The following CEP85L variants were observed in gnomAD, a reference collection of about 807,000 sequenced individuals.
CEP85L encodes centrosomal protein 85L, also known as centrosomal protein of 85 kDa-like.
CEP85L carries 60 observed loss-of-function variants against 100.3 expected under a neutral mutation model. The observed-to-expected ratio is 0.60, with a 90% CI of 0.49 to 0.74. The LOEUF (loss-of-function observed/expected upper bound fraction) is 0.74. CEP85L is among the 30% of genes least tolerant of loss of function. CEP85L has a pLI of 0.00. For missense variants in CEP85L, 973 were observed against 936.2 expected (o/e 1.04, Z -0.51); for synonymous variants, 319 against 322.7 (o/e 0.99, Z 0.12).
chr6:118,679,015 T>A (rs1290528404), intron 1 of CEP85L, among the ~76,000 whole-genome samples: 1 of 152,224 alleles, frequency 6.6e-6, no homozygotes, highest in African/African-American at 2.4e-5. Context: ...TGAGGTTTCC[T>A]GAATTTTCCA....
At chr6:118,562,654 C>T (rs72952771) in intron 3 of CEP85L, among the ~76,000 whole-genome samples, 53,325 of 151,994 alleles carry the variant, frequency 0.35, 10,383 homozygotes, top group Non-Finnish European at 0.45. Context: ...AGCTACCATG[C>T]TTGGTCCAAA....
At position 118,573,162 on chromosome 6, in the gene CEP85L, C is replaced by T. The variant is rs112018709; in HGVS notation, c.233-6846G>A. Among the ~76,000 whole-genome samples the T allele has an allele frequency of 1.4e-4, 21 of 152,292 alleles. 1 individual carries two copies. Among genetic ancestry groups the T allele is most frequent in the African/African-American group, 5.1e-4 (21 of 41,562 alleles). The stretch of plus-strand genomic sequence containing the variant: ...TAAAGCTCATGAAGAAACTGCAAAA[C>T]ATCAGACAATGAGAAGTGGTGAGCC... On this transcript the variant is annotated intron_variant, in intron 2 of 12. Coordinates refer to ENST00000368491, the MANE Select transcript of CEP85L (RefSeq NM_001042475.3).
intron 2 of CEP85L, among the ~76,000 whole-genome samples, chr6:118,604,850 CATTTT>C (rs1189923000): frequency 6.6e-6 from 1 of 152,170 alleles, no homozygotes; most frequent in Non-Finnish European, 1.5e-5. Context: ...ATTTTCAAGA[CATTTT>C]ATTTTACCTA....
chr6:118,603,587 G>A (rs1771963504), intron 2 of CEP85L, among the ~76,000 whole-genome samples: 1 of 152,178 alleles, frequency 6.6e-6, no homozygotes, highest in African/African-American at 2.4e-5. Flanking sequence ...ACTGTTAAAA[G>A]CTGTAAAAAG....
At chr6:118,643,356 CT>C (rs556048739) in intron 1 of CEP85L, among the ~76,000 whole-genome samples, 139 of 152,260 alleles carry the variant, frequency 9.1e-4, no homozygotes, top group African/African-American at 3.3e-3. Flanking sequence ...CAATCTCTGC[CT>C]CTACAAAAGC....
intron 7 of CEP85L, among the ~76,000 whole-genome samples, chr6:118,483,121 C>A (rs1290331770): frequency 1.3e-5 from 2 of 151,848 alleles, no homozygotes; most frequent in Non-Finnish European, 2.9e-5. Flanking sequence ...GAATCCCTGG[C>A]TTAGAACAAC....
At chr6:118,660,025 G>T (rs1024609054) in intron 1 of CEP85L, among the ~76,000 whole-genome samples, 1 of 152,334 alleles carries the variant, frequency 6.6e-6, no homozygotes. Context: ...GGCTTAAAAT[G>T]TCTTAGAGGA....
chr6:118,523,826 C>A lies in CEP85L; in HGVS notation c.1115G>T (p.Arg372Met), dbSNP rs777321707. 1 of 1,572,198 alleles carries A rather than the reference C, an allele frequency of 6.4e-7. No individual in the cohort carries two copies. The highest frequency in any genetic ancestry group is 8.7e-7 in the Non-Finnish European group (1 of 1,143,214). ...SMLKIKEGLLRQKEIVIDRQK... is the reference protein window; with the variant it reads ...SMLKIKEGLLMQKEIVIDRQK... Reference sequence around the variant, plus strand: ...CCGATCGATTACAATTTCTTTCTGCCTTAGAAGTCCTTCTTTTATTTTCAA... The same window carrying A: ...CCGATCGATTACAATTTCTTTCTGCATTAGAAGTCCTTCTTTTATTTTCAA... The change falls in exon 4 of 13, where the codon AGG (arginine) becomes ATG (methionine). Residue 372 changes from arginine to methionine, a missense_variant. Coordinates refer to ENST00000368491, the MANE Select transcript of CEP85L (RefSeq NM_001042475.3).
At position 118,462,687 on chromosome 6, in the gene CEP85L, G is replaced by T. The variant is rs551542761; in HGVS notation, c.*2718C>A. On this transcript the variant is annotated 3_prime_UTR_variant, in exon 13 of 13. Coordinates refer to ENST00000368491, the MANE Select transcript of CEP85L (RefSeq NM_001042475.3). Reference sequence around the variant, plus strand: ...AATATATTGGTGTCATAACTTCCACGAACATCCTAGTTCAAACTGGGTGAG... The same window carrying T: ...AATATATTGGTGTCATAACTTCCACTAACATCCTAGTTCAAACTGGGTGAG... 1 of 151,768 alleles carries T rather than the reference G, an allele frequency of 6.6e-6. No individual in the cohort carries two copies. Among genetic ancestry groups the T allele is most frequent in the African/African-American group, 2.4e-5 (1 of 41,368 alleles). The allele number at this position is 151,768 out of a possible 1,614,324, so 9.4% of individuals were successfully genotyped here.
intron 6 of CEP85L, 200 bp downstream of exon 6, chr6:118,491,486 A>T: frequency 7.5e-7 from 1 of 1,333,860 alleles, no homozygotes; most frequent in Non-Finnish European, 9.6e-7. Flanking sequence ...AAAGATATAC[A>T]AGAGCATTTC....
At position 118,566,208 on chromosome 6, in the gene CEP85L, A is replaced by C; in HGVS notation, c.341T>G (p.Leu114Arg). Reference sequence around the variant, plus strand: ...GCCATCTGGTGTCAATGATTCCCTAAGTTTGGAAATTGAAGCGCTGGAATT... The same window carrying C: ...GCCATCTGGTGTCAATGATTCCCTACGTTTGGAAATTGAAGCGCTGGAATT... ...PSNSSASISK[L>R]RESLTPDGSK... The change falls in exon 3 of 13, where the codon CTT becomes CGT. Residue 114 changes from leucine to arginine, a missense_variant. By Grantham distance (102) the Leu-to-Arg change is moderately radical (BLOSUM62 -2). Transcript: ENST00000368491. 1 of 1,614,136 alleles carries C rather than the reference A, an allele frequency of 6.2e-7. No individual in the cohort carries two copies. The highest frequency in any genetic ancestry group is 1.6e-4 in the Middle Eastern group (1 of 6,062).
intron 1 of CEP85L, among the ~76,000 whole-genome samples, chr6:118,668,866 T>C (rs906624844): frequency 1.3e-5 from 2 of 152,212 alleles, no homozygotes; most frequent in African/African-American, 4.8e-5. Flanking sequence ...TGGCTTTGTT[T>C]ATTAAGTGTG....
intron 5 of CEP85L, among the ~76,000 whole-genome samples, chr6:118,504,534 T>A (rs971904243): frequency 6.6e-6 from 1 of 152,174 alleles, no homozygotes; most frequent in African/African-American, 2.4e-5. Flanking sequence ...ACATTCCTTA[T>A]CTCATACCTT....
At chr6:118,668,933 A>G (rs191962942) in intron 1 of CEP85L, among the ~76,000 whole-genome samples, 121 of 152,306 alleles carry the variant, frequency 7.9e-4, no homozygotes, top group African/African-American at 2.9e-3. Flanking sequence ...CATTCCTCCA[A>G]GATAATATCA....
At chr6:118,496,605 G>A (rs189924291) in intron 5 of CEP85L, among the ~76,000 whole-genome samples, 205 of 152,004 alleles carry the variant, frequency 1.3e-3, no homozygotes, top group African/African-American at 4.7e-3. Context: ...CACCCACCTC[G>A]GCCTCCCAAA....
At chr6:118,550,512 C>T (rs1015060042) in intron 3 of CEP85L, among the ~76,000 whole-genome samples, 2 of 151,760 alleles carry the variant, frequency 1.3e-5, no homozygotes, top group Non-Finnish European at 1.5e-5. Context: ...CTAATATACT[C>T]GTGTACACAA....
chr6:118,472,762 AG>A (rs968068206), intron 10 of CEP85L, among the ~76,000 whole-genome samples: 9 of 152,196 alleles, frequency 5.9e-5, no homozygotes, highest in African/African-American at 1.9e-4. Context: ...CTAGACATGT[AG>A]GGGATTAATA....
chr6:118,555,255 C>A (rs529444735), intron 3 of CEP85L, among the ~76,000 whole-genome samples: 237 of 152,048 alleles, frequency 1.6e-3, no homozygotes, highest in African/African-American at 5.4e-3. Flanking sequence ...CATGGTGAAA[C>A]CCCGTCTCTA....
intron 3 of CEP85L, chr6:118,537,618 G>A (rs1319860139): frequency 1.5e-5 from 15 of 985,248 alleles, no homozygotes; most frequent in Middle Eastern, 5.2e-4. Flanking sequence ...GATGAGATCC[G>A]GATACTATGA....
Sources: allele counts gnomAD v4.1 joint callset (sites outside exome capture counted in the v4.1 genomes callset), GRCh38; gene constraint gnomAD v4.1.1; transcripts MANE v1.5; gene names NCBI Gene and HGNC (gene_info 2026-07-23, HGNC 2026-07-21).